Variants in RNF130 observed in about 807,000 individuals in gnomAD.
The protein encoded by RNF130 is E3 ubiquitin-protein ligase RNF130.
RNF130 carries 21 observed loss-of-function variants against 44.6 expected under a neutral mutation model. The ratio of observed to expected loss-of-function variants is 0.47; its 90% CI spans 0.33 to 0.68. The LOEUF is 0.68. Among genes scored for constraint, RNF130 ranks in the 30% least tolerant of loss-of-function variants. The pLI, the probability that RNF130 is intolerant of heterozygous loss-of-function variation, is 0.02. For synonymous variants in RNF130, 214 were observed against 210.4 expected (o/e 1.02, Z -0.15); for missense variants, 479 against 560.6 (o/e 0.85, Z 1.47).
intron 1 of RNF130, among the ~76,000 whole-genome samples, chr5:180,046,169 C>T (rs1371816664): frequency 2.6e-5 from 4 of 152,318 alleles, no homozygotes; most frequent in African/African-American, 7.2e-5. Context: ...GCGCACCCTC[C>T]GCAGCTGCTG....
chr5:179,950,122 T>C (rs980840762), downstream of RNF130, among the ~76,000 whole-genome samples: 2 of 152,104 alleles, frequency 1.3e-5, no homozygotes, highest in African/African-American at 4.8e-5. Context: ...AATAACTTTT[T>C]TTTTTCTTGA....
chr5:179,974,081 C>T (rs941546561), intron 5 of RNF130, among the ~76,000 whole-genome samples: 2 of 152,116 alleles, frequency 1.3e-5, no homozygotes, highest in South Asian at 4.2e-4. Flanking sequence ...AGCTCTGCAG[C>T]CTCTTGGTGC....
chr5:180,037,728 G>A (rs146994921), intron 2 of RNF130, among the ~76,000 whole-genome samples: 2 of 152,206 alleles, frequency 1.3e-5, no homozygotes, highest in Non-Finnish European at 2.9e-5. Context: ...TGAAATTAAT[G>A]ATCGCAGTGT....
intron 7 of RNF130, among the ~76,000 whole-genome samples, chr5:179,937,933 T>TGTGTGTGAGAGA (rs1268947878): frequency 9.5e-4 from 110 of 116,282 alleles, no homozygotes; most frequent in South Asian, 1.4e-3. Flanking sequence ...TGTGTGTGTG[T>TGTGTGTGAGAGA]GAGAGAGAGA....
chr5:180,059,353 A>AT (rs1764917424), intron 1 of RNF130, among the ~76,000 whole-genome samples: 1 of 152,174 alleles, frequency 6.6e-6, no homozygotes, highest in Admixed American at 6.5e-5. Context: ...CAAGACTATG[A>AT]TTAAATAATC....
exon 8 of RNF130, chr5:179,917,049 G>C (rs1561656929): frequency 6.6e-6 from 1 of 152,146 alleles, no homozygotes; most frequent in Non-Finnish European, 1.5e-5. Flanking sequence ...AAATTAGCTG[G>C]GCGTCGTGGC....
chr5:179,985,122 C>T (rs540859842), intron 3 of RNF130, among the ~76,000 whole-genome samples: 4 of 147,442 alleles, frequency 2.7e-5, no homozygotes, highest in Admixed American at 2.7e-4. Context: ...ATTTCTTCAA[C>T]ATCCTCATCT....
At chr5:180,048,001 C>CTTTTTTTTTT (rs67545539) in intron 1 of RNF130, among the ~76,000 whole-genome samples, 1 of 146,932 alleles carries the variant, frequency 6.8e-6, no homozygotes. Flanking sequence ...CAACAGCACA[C>CTTTTTTTTTT]TTTTTTTTTT....
intron 1 of RNF130, among the ~76,000 whole-genome samples, chr5:180,064,914 G>A (rs1322147271): frequency 1.8e-5 from 1 of 55,228 alleles, no homozygotes; most frequent in Non-Finnish European, 3.4e-5. Flanking sequence ...TCCTGAACTA[G>A]GATTCCACTT....
At chr5:180,059,187 T>C (rs1214007380) in intron 1 of RNF130, among the ~76,000 whole-genome samples, 1 of 152,174 alleles carries the variant, frequency 6.6e-6, no homozygotes. Flanking sequence ...TCGTGTATAT[T>C]TCCTTGGACT....
intron 3 of RNF130, among the ~76,000 whole-genome samples, chr5:180,011,981 T>G (rs1763605626): frequency 6.6e-6 from 1 of 152,262 alleles, no homozygotes; most frequent in East Asian, 1.9e-4. Flanking sequence ...TTCAATAAAC[T>G]GCAGTCAGTG....
intron 5 of RNF130, among the ~76,000 whole-genome samples, chr5:179,972,080 T>C (rs1408037441): frequency 1.3e-5 from 2 of 152,192 alleles, no homozygotes; most frequent in African/African-American, 2.4e-5. Flanking sequence ...AAGCCCCAGA[T>C]ACATTCAGTA....
intron 8 of RNF130, among the ~76,000 whole-genome samples, chr5:179,960,701 T>G (rs1762307357): frequency 6.6e-6 from 1 of 152,202 alleles, no homozygotes; most frequent in Non-Finnish European, 1.5e-5. Context: ...AGGTAAACTA[T>G]TCTAGTAGGT....
chr5:180,001,160 C>T (rs1027751280), intron 3 of RNF130, among the ~76,000 whole-genome samples: 1 of 152,148 alleles, frequency 6.6e-6, no homozygotes, highest in African/African-American at 2.4e-5. Flanking sequence ...CCATGGGTGC[C>T]TCAGTGGTAT....
chr5:179,937,174 G>GTATCAACAAAACGAAA (rs1561662493), intron 7 of RNF130, among the ~76,000 whole-genome samples: 9 of 135,196 alleles, frequency 6.7e-5, no homozygotes, highest in Non-Finnish European at 1.2e-4. Context: ...TCAAAACGAA[G>GTATCAACAAAACGAAA]TATCATCAAA....
Position 179,948,211 on chromosome 5 carries a change from T to C in RNF130, c.1150+18595A>G, listed in dbSNP as rs186948257. 1.3e-3 allele frequency among the ~76,000 whole-genome samples: 192 copies of C among 152,320 alleles called. 1 individual carries two copies. The highest frequency in any genetic ancestry group is 4.4e-3 in the African/African-American group (183 of 41,582). ...ACTATATCTTCTCTCATTCAGATAT[T>C]GCGAAGATTAAAATGGTTATACATG... On this transcript the variant is annotated intron_variant, in intron 7 of 7. Transcript: ENST00000522208.
intron 3 of RNF130, among the ~76,000 whole-genome samples, chr5:179,996,624 G>C (rs1763205185): frequency 6.6e-6 from 1 of 152,194 alleles, no homozygotes; most frequent in South Asian, 2.1e-4. Context: ...TTATGGATTT[G>C]CATATGTTGA....
chr5:179,987,486 T>C (rs941917672), intron 3 of RNF130, among the ~76,000 whole-genome samples: 1 of 152,216 alleles, frequency 6.6e-6, no homozygotes, highest in African/African-American at 2.4e-5. Flanking sequence ...ATTTCTATGT[T>C]CTGACTGCTC....
intron 7 of RNF130, chr5:179,964,355 G>C (rs1172073414): frequency 6.6e-6 from 1 of 152,214 alleles, no homozygotes; most frequent in African/African-American, 2.4e-5. Context: ...CAGAGCCTAT[G>C]TTGTCAAGGT....
Sources: allele counts gnomAD v4.1 joint callset (sites outside exome capture counted in the v4.1 genomes callset), GRCh38; gene constraint gnomAD v4.1.1; transcripts MANE v1.5; gene names NCBI Gene and HGNC (gene_info 2026-07-23, HGNC 2026-07-21).